PRKCZ: variants seen among roughly 807,000 people sequenced by gnomAD.
PRKCZ encodes protein kinase C zeta, also known as protein kinase C zeta type.
In PRKCZ, 33 loss-of-function variants were observed where a neutral mutation model predicts 79.5. The observed-to-expected ratio is 0.41, with a 90% CI of 0.31 to 0.55. PRKCZ has a LOEUF of 0.55. Among genes scored for constraint, PRKCZ ranks in the 20% least tolerant of loss-of-function variants. The pLI is 0.19. For synonymous variants in PRKCZ, 342 were observed against 320.9 expected, an observed-to-expected ratio of 1.07 and a Z score of -0.70; for missense variants, 578 against 813.5, an observed-to-expected ratio of 0.71 and a Z score of 3.52.
chr1:2,123,143 G>A (rs796102010), intron 4 of PRKCZ, among the ~76,000 whole-genome samples: 2 of 5,078 alleles, frequency 3.9e-4, no homozygotes, highest in East Asian at 0.011. Flanking sequence ...TCACGGTGGT[G>A]GTTAGGGTCA....
intron 4 of PRKCZ, among the ~76,000 whole-genome samples, chr1:2,093,302 C>A (rs1295849414): frequency 1.3e-5 from 2 of 152,164 alleles, no homozygotes; most frequent in Non-Finnish European, 2.9e-5. Flanking sequence ...GTTTACCACC[C>A]CTCACCCCCT....
rs543464296 is a variant in PRKCZ at position 2,132,649 on chromosome 1, T to C, written c.335-2613T>C. Among the ~76,000 whole-genome samples, 126 of 152,216 alleles carry C rather than the reference T, an allele frequency of 8.3e-4. 1 individual carries two copies. Among genetic ancestry groups the C allele is most frequent in the Admixed American group, 1.8e-3 (28 of 15,284 alleles). ...GCTTCTGTTCCTATTTTGACTGCTT[T>C]TTCCTCATGGATTTTTCAGTCCAGC... is the stretch of plus-strand genomic sequence containing the variant. On this transcript the variant is annotated intron_variant, in intron 4 of 17. Coordinates refer to ENST00000378567, the MANE Select transcript of PRKCZ (RefSeq NM_002744.6).
chr1:2,077,702 A>C (rs1404251205), intron 4 of PRKCZ, among the ~76,000 whole-genome samples: 1 of 152,204 alleles, frequency 6.6e-6, no homozygotes, highest in South Asian at 2.1e-4. Flanking sequence ...CACTCCCTGG[A>C]GGGGATCACA....
chr1:2,105,099 T>C (rs1668147669), intron 4 of PRKCZ, among the ~76,000 whole-genome samples: 1 of 151,974 alleles, frequency 6.6e-6, no homozygotes, highest in African/African-American at 2.4e-5. Context: ...CACACGTCTG[T>C]CGTGCCATGA....
At chr1:2,166,814 T>TG (rs1339067988) in intron 10 of PRKCZ, among the ~76,000 whole-genome samples, 1 of 151,674 alleles carries the variant, frequency 6.6e-6, no homozygotes, top group Non-Finnish European at 1.5e-5. Flanking sequence ...GGGCTACGGG[T>TG]GAAGCCACAC....
chr1:2,179,195 T>G (rs1686062861), intron 16 of PRKCZ, among the ~76,000 whole-genome samples: 2 of 152,142 alleles, frequency 1.3e-5, no homozygotes, highest in Admixed American at 1.3e-4. Flanking sequence ...GACCCCACCC[T>G]CCGCCGGTCC....
chr1:2,103,857 G>A lies in PRKCZ; in HGVS notation c.335-31405G>A, dbSNP rs140718454. ...GGTCTCTGGGGGCTGCACCTGAGGC[G>A]GCAGTGGGAGGAGAGGGGTGAAGGG... is the stretch of plus-strand genomic sequence containing the variant. On this transcript the variant is annotated intron_variant, in intron 4 of 17. Coordinates refer to ENST00000378567, the MANE Select transcript of PRKCZ (RefSeq NM_002744.6). Among the ~76,000 whole-genome samples, 1,081 of 152,294 alleles carry A rather than the reference G, an allele frequency of 7.1e-3. 13 individuals carry two copies. The highest frequency in any genetic ancestry group is 0.025 in the African/African-American group (1,037 of 41,550).
chr1:2,148,078 C>G (rs995115092), intron 7 of PRKCZ, among the ~76,000 whole-genome samples: 24 of 80,806 alleles, frequency 3.0e-4, no homozygotes, highest in African/African-American at 1.7e-3. Context: ...ATCCATCCAT[C>G]TATTGTCTAC....
In PRKCZ at chr1:2,094,559, GAT is replaced by G. The variant is rs1303063016; in HGVS notation, c.334+34969_334+34970del. On this transcript the variant is annotated intron_variant, in intron 4 of 17. Transcript: ENST00000378567. The surrounding 1 kb of genome is among the most constrained non-coding windows in gnomAD (Gnocchi z 7.3). Reference sequence around the variant, plus strand: ...CTGAGGCGCCCTCTGTGCCCGGCTCGATGAACCTTGGGCGCTGCCCGTTCTGA... The same window carrying G: ...CTGAGGCGCCCTCTGTGCCCGGCTCGGAACCTTGGGCGCTGCCCGTTCTGA... Among the ~76,000 whole-genome samples the G allele has an allele frequency of 2.3e-4, 27 of 119,260 alleles. No homozygotes were observed. Among genetic ancestry groups the G allele is most frequent in the African/African-American group, 9.5e-4 (25 of 26,410 alleles). 78.2% of individuals were successfully genotyped at this position (119,260 alleles called of 152,430 possible). A position where few individuals can be genotyped will look rare whatever the true frequency, so the allele number is the denominator to read the frequency against.
chr1:2,054,636 G>C (rs1659987647), intron 1 of PRKCZ, among the ~76,000 whole-genome samples: 1 of 151,996 alleles, frequency 6.6e-6, no homozygotes, highest in Non-Finnish European at 1.5e-5. Flanking sequence ...CCCACTCCGG[G>C]GTCTAAAGAG....
At chr1:2,079,537 C>T (rs1186066342) in intron 4 of PRKCZ, among the ~76,000 whole-genome samples, 4 of 152,236 alleles carry the variant, frequency 2.6e-5, no homozygotes, top group Admixed American at 6.5e-5. Flanking sequence ...TCGGCCACAA[C>T]GCTGTCCACC....
In PRKCZ at chr1:2,094,433, G is replaced by A. The variant is rs898782477; in HGVS notation, c.334+34842G>A. On this transcript the variant is annotated intron_variant, in intron 4 of 17. Transcript: ENST00000378567. This position sits in a 1 kb window ranked among gnomAD's most constrained non-coding sequence, Gnocchi z 7.3. Reference sequence around the variant, plus strand: ...GCTCGTTGAACCTTGGGCGCTGCCCGTTCTGAGGCACCCGCTGTGCCCGGC... The same window carrying A: ...GCTCGTTGAACCTTGGGCGCTGCCCATTCTGAGGCACCCGCTGTGCCCGGC... Among the ~76,000 whole-genome samples the A allele has an allele frequency of 7.3e-5, 11 of 150,598 alleles. No individual in the cohort carries two copies. The highest frequency in any genetic ancestry group is 1.2e-4 in the Non-Finnish European group (8 of 67,600).
At position 2,177,281 on chromosome 1, in the gene PRKCZ, G is replaced by A. The variant is rs1196749278; in HGVS notation, c.1575+1968G>A. ...CGGCTGAACCCGTAGCAGGTGCTTA[G>A]TAGAATTACGTGAGGAGCCAGCATC... is the stretch of plus-strand genomic sequence containing the variant. On this transcript the variant is annotated intron_variant, in intron 16 of 17. Transcript: ENST00000378567. The surrounding 1 kb of genome is among the most constrained non-coding windows in gnomAD (Gnocchi z 6.4). Among the ~76,000 whole-genome samples, 1 of 152,182 alleles carries A rather than the reference G, an allele frequency of 6.6e-6. No individual in the cohort carries two copies.
In PRKCZ at chr1:2,082,298, G is replaced by T. The variant is rs1259141596; in HGVS notation, c.334+22707G>T. Reference sequence around the variant, plus strand: ...CACGATCACACGTGCAGGAGCTGGGGGCTGCCAGAGCGGCTGTTCAAGATG... The same window carrying T: ...CACGATCACACGTGCAGGAGCTGGGTGCTGCCAGAGCGGCTGTTCAAGATG... On this transcript the variant is annotated intron_variant, in intron 4 of 17. Coordinates refer to ENST00000378567, the MANE Select transcript of PRKCZ (RefSeq NM_002744.6). The surrounding 1 kb of genome is among the most constrained non-coding windows in gnomAD (Gnocchi z 4.4). 3 of 445,414 alleles carry T rather than the reference G, an allele frequency of 6.7e-6. No individual in the cohort carries two copies. Among genetic ancestry groups the T allele is most frequent in the Non-Finnish European group, 1.4e-5 (3 of 221,380 alleles). 27.6% of individuals were successfully genotyped at this position (445,414 alleles called of 1,614,324 possible). A position where few individuals can be genotyped will look rare whatever the true frequency, so the allele number is the denominator to read the frequency against.
At position 2,180,120 on chromosome 1, in the gene PRKCZ, C is replaced by T. The variant is rs113767709; in HGVS notation, c.1576-4463C>T. On this transcript the variant is annotated intron_variant, in intron 16 of 17. Transcript: ENST00000378567. ...ACTACCCAGGGCCAACCTGTGTGGCCGTAAAATTCTCAAGCCTGGAGTGTG... is the reference window on the plus strand; with the variant it reads ...ACTACCCAGGGCCAACCTGTGTGGCTGTAAAATTCTCAAGCCTGGAGTGTG... 2.4e-3 allele frequency among the ~76,000 whole-genome samples: 358 copies of T among 152,208 alleles called. 1 individual carries two copies. Among genetic ancestry groups the T allele is most frequent in the African/African-American group, 8.1e-3 (335 of 41,540 alleles).
intron 4 of PRKCZ, chr1:2,073,887 G>C: frequency 8.2e-7 from 1 of 1,221,600 alleles, no homozygotes; most frequent in Non-Finnish European, 1.0e-6. Context: ...GCCGCGCACA[G>C]AGCATAAAGA....
At chr1:2,175,050 C>T (rs1221692573) in intron 15 of PRKCZ, among the ~76,000 whole-genome samples, 174 bp from the exon 16 acceptor site, 2 of 152,080 alleles carry the variant, frequency 1.3e-5, no homozygotes, top group African/African-American at 2.4e-5. Flanking sequence ...GAAAATGGAA[C>T]GGAGCTTAAC....
At position 2,148,852 on chromosome 1, in the gene PRKCZ, C is replaced by T; in HGVS notation, c.635-20C>T. The T allele has an allele frequency of 6.2e-7, 1 of 1,613,418 alleles. No homozygotes were observed. Among genetic ancestry groups the T allele is most frequent in the Non-Finnish European group, 8.5e-7 (1 of 1,179,488 alleles). ...CCTGACCACACCGTAACGCCCCTTC[C>T]TTCCTCCCTCTCTCACCAGTTGCTT... is the stretch of plus-strand genomic sequence containing the variant. On this transcript the variant is annotated intron_variant, in intron 7 of 17. Coordinates refer to ENST00000378567, the MANE Select transcript of PRKCZ (RefSeq NM_002744.6).
At chr1:2,179,909 G>A (rs945630806) in intron 16 of PRKCZ, among the ~76,000 whole-genome samples, 9 of 152,196 alleles carry the variant, frequency 5.9e-5, no homozygotes, top group Non-Finnish European at 7.4e-5. Flanking sequence ...AGGGGAAAAC[G>A]GAAAGACGCA....
Sources: gnomAD v4.1 joint callset for allele counts (sites outside exome capture counted in the v4.1 genomes callset) on GRCh38, gnomAD v4.1.1 for gene constraint, Gnocchi (gnomAD v3.1) non-coding constraint, MANE v1.5 for transcripts, NCBI Gene and HGNC (gene_info 2026-07-23, HGNC 2026-07-21) for gene names.